TMEFF2: variants seen among roughly 807,000 people sequenced by gnomAD.
TMEFF2 encodes the protein tomoregulin-2.
A neutral mutation model predicts 53.8 loss-of-function variants in TMEFF2; 28 were observed. The observed-to-expected ratio is 0.52, with a 90% CI of 0.39 to 0.71. The LOEUF (loss-of-function observed/expected upper bound fraction) is 0.71. Among genes scored for constraint, TMEFF2 ranks in the 30% least tolerant of loss-of-function variants. The probability of loss-of-function intolerance (pLI) is 0.00; values close to 1 mark genes in which losing one functional copy is unlikely to be tolerated. For missense variants in TMEFF2, 353 were observed against 455.2 expected, an observed-to-expected ratio of 0.78 and a Z score of 2.04; for synonymous variants, 162 against 166.3, an observed-to-expected ratio of 0.97 and a Z score of 0.20.
chr2:192,134,390 A>G (rs929357719), intron 4 of TMEFF2, among the ~76,000 whole-genome samples: 3 of 152,102 alleles, frequency 2.0e-5, no homozygotes, highest in Admixed American at 6.6e-5. Flanking sequence ...ATCACGCTTG[A>G]TTTATTGATG....
At chr2:192,117,195 C>T (rs1205843040) in intron 4 of TMEFF2, among the ~76,000 whole-genome samples, 2 of 152,214 alleles carry the variant, frequency 1.3e-5, no homozygotes, top group South Asian at 2.1e-4. Flanking sequence ...AAGCACAGTG[C>T]TCTCTCAGAG....
intron 4 of TMEFF2, among the ~76,000 whole-genome samples, chr2:192,158,070 C>T (rs1056769418): frequency 9.9e-5 from 15 of 152,084 alleles, no homozygotes; most frequent in Admixed American, 9.9e-4. Context: ...GAGTACCATG[C>T]AAAATGTTTG....
At chr2:192,072,630 T>C (rs1188177533) in intron 4 of TMEFF2, among the ~76,000 whole-genome samples, 1 of 151,860 alleles carries the variant, frequency 6.6e-6, no homozygotes, top group Non-Finnish European at 1.5e-5. Flanking sequence ...TCAAAGAAAA[T>C]GTTAATGAAA....
chr2:192,026,097 C>T (rs1358204610), intron 5 of TMEFF2, among the ~76,000 whole-genome samples: 1 of 152,126 alleles, frequency 6.6e-6, no homozygotes, highest in Non-Finnish European at 1.5e-5. Flanking sequence ...CCACCCTAAG[C>T]CCCCAAGTGG....
chr2:192,081,800 CTTTTTTTTT>C (rs900552541), intron 4 of TMEFF2, among the ~76,000 whole-genome samples: 5 of 130,354 alleles, frequency 3.8e-5, no homozygotes, highest in African/African-American at 1.5e-4. Context: ...AACGATTTCC[CTTTTTTTTT>C]TTTTTTTTTT....
chr2:191,972,796 A>G (rs1350926243), intron 7 of TMEFF2, among the ~76,000 whole-genome samples: 3 of 152,146 alleles, frequency 2.0e-5, no homozygotes, highest in Non-Finnish European at 2.9e-5. Context: ...ATTAGAAGAA[A>G]CATTTAAGCT....
chr2:191,954,357 T>C (rs1311916254), intron 8 of TMEFF2, among the ~76,000 whole-genome samples: 2 of 152,218 alleles, frequency 1.3e-5, no homozygotes, highest in East Asian at 3.9e-4. Flanking sequence ...TCCTTTTACA[T>C]TTATGATAAT....
chr2:192,179,094 T>C (rs1390751905), intron 4 of TMEFF2: 1 of 151,260 alleles, frequency 6.6e-6, no homozygotes, highest in African/African-American at 2.4e-5. Context: ...AATGGGAACA[T>C]ATATCATACT....
chr2:191,998,684 CAA>C (rs1686282721), intron 6 of TMEFF2, among the ~76,000 whole-genome samples: 1 of 149,318 alleles, frequency 6.7e-6, no homozygotes, highest in African/African-American at 2.6e-5. Flanking sequence ...TGTACTGAAT[CAA>C]TACATAAAAA....
At chr2:192,043,064 G>A (rs1189665037) in intron 5 of TMEFF2, among the ~76,000 whole-genome samples, 1 of 152,210 alleles carries the variant, frequency 6.6e-6, no homozygotes, top group Non-Finnish European at 1.5e-5. Flanking sequence ...CCAAGTGGCA[G>A]TACTCGACTG....
chr2:192,175,918 T>C lies in TMEFF2; in HGVS notation c.439+3750A>G, dbSNP rs1691030465. On this transcript the variant is annotated intron_variant, in intron 4 of 9. Coordinates refer to ENST00000272771, the MANE Select transcript of TMEFF2 (RefSeq NM_016192.4). ...TATTTAAAAAAAACAGTAATGGAGA[T>C]ATTCATAGCATTGTCTTTATAATAT... Among the ~76,000 whole-genome samples, 3 of 151,558 alleles carry C rather than the reference T, an allele frequency of 2.0e-5. No homozygotes were observed. In the South Asian group the frequency reaches 6.2e-4, roughly 31 times the overall value.
At chr2:192,126,110 G>A (rs934774970) in intron 4 of TMEFF2, among the ~76,000 whole-genome samples, 1 of 152,150 alleles carries the variant, frequency 6.6e-6, no homozygotes, top group East Asian at 1.9e-4. Context: ...AAATTCAGTT[G>A]ATGATTCAGA....
chr2:192,012,236 A>G (rs1409869341), intron 5 of TMEFF2, among the ~76,000 whole-genome samples: 1 of 152,250 alleles, frequency 6.6e-6, no homozygotes, highest in Non-Finnish European at 1.5e-5. Context: ...TTCAAAATAA[A>G]TATCTTTAAG....
chr2:192,106,986 TACATGAAGG>T (rs1239033812), intron 4 of TMEFF2, among the ~76,000 whole-genome samples: 1 of 151,766 alleles, frequency 6.6e-6, no homozygotes, highest in Admixed American at 6.6e-5. Context: ...TGGCTGGGAT[TACATGAAGG>T]GCATGTAGGG....
chr2:192,038,470 TTCAAACCTA>T (rs1173013347), intron 5 of TMEFF2, among the ~76,000 whole-genome samples: 2 of 152,172 alleles, frequency 1.3e-5, no homozygotes, highest in African/African-American at 4.8e-5. Flanking sequence ...TTTTAAACCT[TTCAAACCTA>T]ACCATCCCAA....
At chr2:192,028,642 GT>G (rs1378891278) in intron 5 of TMEFF2, 3 of 152,026 alleles carry the variant, frequency 2.0e-5, no homozygotes, top group African/African-American at 7.2e-5. Context: ...GCAAGCAAAG[GT>G]AGGCAGAGTT....
intron 7 of TMEFF2, among the ~76,000 whole-genome samples, chr2:191,964,349 T>C (rs1212142596): frequency 4.8e-5 from 5 of 104,672 alleles, no homozygotes; most frequent in South Asian, 3.2e-4. Context: ...TCTTTCTTTC[T>C]TTCTTTCTTT....
chr2:192,113,420 G>GAA (rs762333110), intron 4 of TMEFF2, among the ~76,000 whole-genome samples: 5 of 152,030 alleles, frequency 3.3e-5, no homozygotes, highest in Non-Finnish European at 5.9e-5. Context: ...CACCAAACAA[G>GAA]AAAACTATTT....
At position 192,194,928 on chromosome 2, in the gene TMEFF2, C is replaced by T. The variant is rs1478637403; in HGVS notation, c.-404G>A. The T allele has an allele frequency of 2.0e-5, 4 of 197,654 alleles. No homozygotes were observed. The South Asian group carries it at 3.6e-4, about 18-fold the overall frequency. The allele number at this position is 197,654 out of a possible 1,614,324, so 12.2% of individuals were successfully genotyped here. On this transcript the variant is annotated 5_prime_UTR_variant, in exon 1 of 10. Transcript: ENST00000272771. The surrounding 1 kb of genome is among the most constrained non-coding windows in gnomAD (Gnocchi z 4.2). ...GCCTCTCGAGCTCTGCCGCCCGCAT[C>T]CCTCTGGCGTTTGGGAAGCAGCAGG...
Sources: allele counts gnomAD v4.1 joint callset (sites outside exome capture counted in the v4.1 genomes callset), GRCh38; gene constraint gnomAD v4.1.1; non-coding constraint Gnocchi (gnomAD v3.1); transcripts MANE v1.5; gene names NCBI Gene and HGNC (gene_info 2026-07-23, HGNC 2026-07-21).